Variants in AAK1 observed in about 807,000 individuals in gnomAD.
The protein encoded by AAK1 is AP2-associated protein kinase 1.
A neutral mutation model predicts 116.0 loss-of-function variants in AAK1; 37 were observed. The ratio of observed to expected loss-of-function variants is 0.32; its 90% CI spans 0.25 to 0.42. The LOEUF is 0.42. Among genes scored for constraint, AAK1 ranks in the 10% least tolerant of loss-of-function variants. The pLI is 1.00. For missense variants in AAK1, 919 were observed against 1,170.6 expected (o/e 0.79, Z 3.14); for synonymous variants, 458 against 439.9 (o/e 1.04, Z -0.51).
At chr2:69,488,149 C>CATGTGTGTGTGT (rs1553409166) in intron 17 of AAK1, among the ~76,000 whole-genome samples, 1 of 144,542 alleles carries the variant, frequency 6.9e-6, no homozygotes, top group Admixed American at 6.9e-5. Flanking sequence ...TGTGTGTGGA[C>CATGTGTGTGTGT]GTGTGTGTGT....
At chr2:69,632,743 A>C (rs2105261293) in intron 2 of AAK1, among the ~76,000 whole-genome samples, 1 of 148,822 alleles carries the variant, frequency 6.7e-6, no homozygotes, top group South Asian at 2.1e-4. Context: ...CTAAAAATAC[A>C]AAAAAAAAAG....
intron 17 of AAK1, among the ~76,000 whole-genome samples, chr2:69,489,091 C>G (rs1291543714): frequency 6.6e-6 from 1 of 151,364 alleles, no homozygotes; most frequent in African/African-American, 2.4e-5. Context: ...GGCGATCCAC[C>G]CAACTCAGCC....
At chr2:69,533,093 C>T (rs1266454406) in intron 5 of AAK1, among the ~76,000 whole-genome samples, 1 of 152,184 alleles carries the variant, frequency 6.6e-6, no homozygotes, top group South Asian at 2.1e-4. Flanking sequence ...GCCATTAAGA[C>T]TGTAGTCTCC....
At position 69,462,692 on chromosome 2, in the gene AAK1, A is replaced by T. The variant is rs937832700; in HGVS notation, c.*13177T>A. 1.0e-4 allele frequency: 15 copies of T among 143,820 alleles called. No individual in the cohort carries two copies. The highest frequency in any genetic ancestry group is 4.0e-4 in the East Asian group (2 of 5,014). The allele number at this position is 143,820 out of a possible 1,614,324, so 8.9% of individuals were successfully genotyped here. ...CGCCGTCTTGAAAAAAAAAAAAAAA[A>T]TTTCTGAGTTGGGGTGAGAAATCTC... On this transcript the variant is annotated 3_prime_UTR_variant, in exon 22 of 22. Transcript: ENST00000409085.
At chr2:69,567,038 G>T (rs901244696) in intron 2 of AAK1, among the ~76,000 whole-genome samples, 16 of 152,176 alleles carry the variant, frequency 1.1e-4, no homozygotes, top group African/African-American at 3.9e-4. Context: ...ACCAAGGCCC[G>T]CAATTCCCAG....
At position 69,480,844 on chromosome 2, in the gene AAK1, G is replaced by A. The variant is rs1378917374; in HGVS notation, c.2569+16C>T. On this transcript the variant is annotated intron_variant, in intron 19 of 21. Transcript: ENST00000409085. ...ACACCGACCAGTCCCTGCAGCTGCA[G>A]AGACACCTGACTGACCTGTGCGATT... 6.3e-7 allele frequency: 1 copy of A among 1,576,680 alleles called. No homozygotes were observed. Among genetic ancestry groups the A allele is most frequent in the Non-Finnish European group, 8.6e-7 (1 of 1,160,862 alleles).
At chr2:69,632,393 G>C (rs1029836925) in intron 2 of AAK1, among the ~76,000 whole-genome samples, 1 of 152,174 alleles carries the variant, frequency 6.6e-6, no homozygotes, top group African/African-American at 2.4e-5. Context: ...CTAGTGGGTA[G>C]AGGCCATGGA....
At position 69,469,880 on chromosome 2, in the gene AAK1, G is replaced by A; in HGVS notation, c.*5989C>T. ...TAACTCCATATTAGTCTATTTTGAG[G>A]CTCCAAATTATGTAGATTTCAGCAA... On this transcript the variant is annotated 3_prime_UTR_variant, in exon 22 of 22. Transcript: ENST00000409085. 1.0e-6 allele frequency: 1 copy of A among 985,374 alleles called. No individual in the cohort carries two copies. Among genetic ancestry groups the A allele is most frequent in the Non-Finnish European group, 1.2e-6 (1 of 829,928 alleles). 61.0% of individuals were successfully genotyped at this position (985,374 alleles called of 1,614,324 possible). A position where few individuals can be genotyped will look rare whatever the true frequency, so the allele number is the denominator to read the frequency against.
chr2:69,496,763 G>A (rs538018408), intron 16 of AAK1, among the ~76,000 whole-genome samples: 1 of 152,192 alleles, frequency 6.6e-6, no homozygotes, highest in East Asian at 1.9e-4. Flanking sequence ...TCTAGCATGT[G>A]TATAGGTACT....
intron 4 of AAK1, 132 bp from the exon 5 acceptor site, chr2:69,542,797 G>C: frequency 2.0e-6 from 2 of 1,016,702 alleles, no homozygotes; most frequent in Non-Finnish European, 2.8e-6. Flanking sequence ...GACTGAGCCA[G>C]GATTAAAACC....
At chr2:69,483,010 G>A (rs1196929037) in intron 17 of AAK1, among the ~76,000 whole-genome samples, 198 bp from the exon 18 acceptor site, 1 of 152,116 alleles carries the variant, frequency 6.6e-6, no homozygotes, top group African/African-American at 2.4e-5. Context: ...ACTTCCTCAA[G>A]TGAAGTAGTC....
At chr2:69,616,465 CTATT>C (rs1674333239) in intron 2 of AAK1, among the ~76,000 whole-genome samples, 1 of 151,400 alleles carries the variant, frequency 6.6e-6, no homozygotes, top group Non-Finnish European at 1.5e-5. Context: ...ATATAAAAAA[CTATT>C]TTTTTTATGA....
Position 69,468,662 on chromosome 2 carries a change from C to G in AAK1, c.*7207G>C. The G allele has an allele frequency of 1.0e-6, 1 of 985,386 alleles. No homozygotes were observed. The highest frequency in any genetic ancestry group is 1.2e-6 in the Non-Finnish European group (1 of 829,926). The allele number at this position is 985,386 out of a possible 1,614,324, so 61.0% of individuals were successfully genotyped here. ...GTTTTTTGGAAATTTAAACTGAATT[C>G]AGTTAAAACAATTTGTGCACAGAGA... On this transcript the variant is annotated 3_prime_UTR_variant, in exon 22 of 22. Transcript: ENST00000409085.
At position 69,468,814 on chromosome 2, in the gene AAK1, T is replaced by G; in HGVS notation, c.*7055A>C. On this transcript the variant is annotated 3_prime_UTR_variant, in exon 22 of 22. Coordinates refer to ENST00000409085, the MANE Select transcript of AAK1 (RefSeq NM_014911.5). ...TGCCCATATTCAGGGTTGGAGAGGATGGAAGAACATGTCTAACCCATCAAA... is the reference window on the plus strand; with the variant it reads ...TGCCCATATTCAGGGTTGGAGAGGAGGGAAGAACATGTCTAACCCATCAAA... 3 of 985,396 alleles carry G rather than the reference T, an allele frequency of 3.0e-6. No homozygotes were observed. Among genetic ancestry groups the G allele is most frequent in the Non-Finnish European group, 3.6e-6 (3 of 829,936 alleles). The allele number at this position is 985,396 out of a possible 1,614,324, so 61.0% of individuals were successfully genotyped here.
intron 2 of AAK1, among the ~76,000 whole-genome samples, chr2:69,579,525 G>C (rs1672457762): frequency 1.3e-5 from 2 of 152,324 alleles, no homozygotes; most frequent in East Asian, 3.9e-4. Context: ...GTTGAAGTGA[G>C]CTGAGAAGCT....
rs1050006119 is a variant in AAK1 at position 69,472,593 on chromosome 2, T to G, written c.*3276A>C. 1.3e-4 allele frequency: 126 copies of G among 982,822 alleles called. No homozygotes were observed. The highest frequency in any genetic ancestry group is 5.2e-4 in the Middle Eastern group (1 of 1,932). The allele number at this position is 982,822 out of a possible 1,614,324, so 60.9% of individuals were successfully genotyped here. A position where few individuals can be genotyped will look rare whatever the true frequency, so the allele number is the denominator to read the frequency against. On this transcript the variant is annotated 3_prime_UTR_variant, in exon 22 of 22. Coordinates refer to ENST00000409085, the MANE Select transcript of AAK1 (RefSeq NM_014911.5). ...TATAATCATACTTAGAAGTGTCCAC[T>G]TAAGCCTTATCTCCTCTGAGGTATG...
intron 5 of AAK1, among the ~76,000 whole-genome samples, chr2:69,541,055 A>G (rs1405226182): frequency 6.6e-6 from 1 of 152,144 alleles, no homozygotes; most frequent in East Asian, 1.9e-4. Context: ...ATGAAAATAC[A>G]GAGACAGAAA....
chr2:69,603,202 GT>G (rs1307556624), intron 2 of AAK1, among the ~76,000 whole-genome samples: 13 of 152,146 alleles, frequency 8.5e-5, no homozygotes, highest in Non-Finnish European at 2.9e-5. Context: ...CAGTGGGACT[GT>G]TTATAACTTT....
chr2:69,561,475 A>G (rs1221335430), intron 2 of AAK1, among the ~76,000 whole-genome samples: 1 of 152,204 alleles, frequency 6.6e-6, no homozygotes, highest in Non-Finnish European at 1.5e-5. Flanking sequence ...CGAGCAACCT[A>G]TCATATTCAT....
Sources: allele counts gnomAD v4.1 joint callset (sites outside exome capture counted in the v4.1 genomes callset), GRCh38; gene constraint gnomAD v4.1.1; transcripts MANE v1.5; gene names NCBI Gene and HGNC (gene_info 2026-07-23, HGNC 2026-07-21).